The following N4BP2L2 variants were observed in gnomAD, a reference collection of about 807,000 sequenced individuals.
N4BP2L2 encodes NEDD4 binding protein 2 like 2, also known as NEDD4-binding protein 2-like 2.
Under a neutral mutation model 56.2 loss-of-function variants are expected in N4BP2L2, and 50 were observed. That is an observed-to-expected ratio of 0.89 (90% CI 0.71 to 1.13). The LOEUF (loss-of-function observed/expected upper bound fraction) is 1.13, where lower values mean the gene tolerates loss of function less well. Ranked by LOEUF, N4BP2L2 falls within the 50% of genes most tolerant of loss-of-function variation. The pLI, the probability that N4BP2L2 is intolerant of heterozygous loss-of-function variation, is 0.00. For synonymous variants in N4BP2L2, 203 were observed against 223.6 expected (o/e 0.91, Z 0.82); for missense variants, 689 against 693.8 (o/e 0.99, Z 0.08).
At chr13:32,512,836 C>T (rs1266764586) in exon 6 of N4BP2L2, 1 of 152,200 alleles carries the variant, frequency 6.6e-6, no homozygotes, top group Non-Finnish European at 1.5e-5. Flanking sequence ...TCAACACCAT[C>T]CTGGCTAACA....
chr13:32,535,670 T>C lies in N4BP2L2; in HGVS notation c.1259+99A>G, dbSNP rs182858920. 1.5e-3 allele frequency: 2,021 copies of C among 1,332,760 alleles called. 3 individuals are homozygous for C. Among genetic ancestry groups the C allele is most frequent in the Middle Eastern group, 4.9e-3 (18 of 3,652 alleles). The allele number at this position is 1,332,760 out of a possible 1,614,324, so 82.6% of individuals were successfully genotyped here. A position where few individuals can be genotyped will look rare whatever the true frequency, so the allele number is the denominator to read the frequency against. On this transcript the variant is annotated intron_variant, in intron 2 of 5. Transcript: ENST00000267068. ...TGGTCCACCCTGGCCTCCCAAAGTG[T>C]TGGGATTACATGCATGAGTCACTGC...
At chr13:32,436,613 A>G (rs1566006015) in intron 8 of N4BP2L2, among the ~76,000 whole-genome samples, 2 of 151,770 alleles carry the variant, frequency 1.3e-5, no homozygotes, top group Non-Finnish European at 2.9e-5. Flanking sequence ...AACATGGCAA[A>G]ACCCTGTCTC....
At chr13:32,438,627 C>T in intron 8 of N4BP2L2, 6 of 1,096,254 alleles carry the variant, frequency 5.5e-6, no homozygotes, top group South Asian at 1.7e-5. Flanking sequence ...AAAATACATA[C>T]ACACACACAC....
chr13:32,521,850 C>G (rs1427931933), intron 4 of N4BP2L2: 1 of 294,230 alleles, frequency 3.4e-6, no homozygotes, highest in East Asian at 1.1e-4. Context: ...GGGGCAGGCA[C>G]CTATAATCTC....
At chr13:32,515,419 CA>C (rs199818862) in exon 6 of N4BP2L2, 9,029 of 152,164 alleles carry the variant, frequency 0.059, 346 homozygotes, top group East Asian at 0.2. Flanking sequence ...CCATCCAGCC[CA>C]CGTAGCAGGA....
exon 6 of N4BP2L2, chr13:32,510,428 T>C (rs1436152512): frequency 6.6e-6 from 1 of 151,982 alleles, no homozygotes; most frequent in Non-Finnish European, 1.5e-5. Flanking sequence ...TCCTAAAATA[T>C]GATTATCAAG....
intron 6 of N4BP2L2, among the ~76,000 whole-genome samples, chr13:32,450,843 T>C (rs2077861150): frequency 2.2e-5 from 3 of 139,230 alleles, no homozygotes; most frequent in African/African-American, 2.8e-5. Flanking sequence ...TTCCCTTCCT[T>C]CCCTCCCTCC....
At chr13:32,441,321 T>C (rs2076292406) in intron 7 of N4BP2L2, among the ~76,000 whole-genome samples, 1 of 152,216 alleles carries the variant, frequency 6.6e-6, no homozygotes, top group African/African-American at 2.4e-5. Context: ...ACTAATGTTG[T>C]ATTTGGGAGC....
chr13:32,479,135 C>CA (rs560546697), intron 6 of N4BP2L2, among the ~76,000 whole-genome samples: 57 of 134,106 alleles, frequency 4.3e-4, no homozygotes, highest in South Asian at 1.2e-3. Flanking sequence ...AACTTTGTCT[C>CA]AAAAAAAAAA....
At chr13:32,454,418 G>T (rs537863860) in intron 6 of N4BP2L2, among the ~76,000 whole-genome samples, 2 of 152,132 alleles carry the variant, frequency 1.3e-5, no homozygotes, top group South Asian at 2.1e-4. Flanking sequence ...ACAAACCTTG[G>T]GGGGGAGGGG....
exon 6 of N4BP2L2, chr13:32,515,143 A>G (rs2048930963): frequency 6.6e-6 from 1 of 151,274 alleles, no homozygotes; most frequent in Non-Finnish European, 1.5e-5. Flanking sequence ...CTGTCTCAAA[A>G]AAAAAAAAAA....
intron 6 of N4BP2L2, among the ~76,000 whole-genome samples, chr13:32,492,826 A>G (rs566407974): frequency 6.6e-6 from 1 of 152,182 alleles, no homozygotes; most frequent in African/African-American, 2.4e-5. Flanking sequence ...AAAATTTTGT[A>G]TATTTAAAAT....
chr13:32,446,802 T>C (rs1290496484), intron 6 of N4BP2L2, among the ~76,000 whole-genome samples: 2 of 152,384 alleles, frequency 1.3e-5, no homozygotes, highest in South Asian at 2.1e-4. Flanking sequence ...ACACTTATTA[T>C]GTATTGGGAC....
At chr13:32,441,402 C>T (rs1298796818) in intron 7 of N4BP2L2, among the ~76,000 whole-genome samples, 2 of 152,068 alleles carry the variant, frequency 1.3e-5, no homozygotes, top group African/African-American at 4.8e-5. Flanking sequence ...AGTTTCTTTT[C>T]TGGTGGCCTG....
At chr13:32,452,044 T>A (rs1253012811) in intron 6 of N4BP2L2, among the ~76,000 whole-genome samples, 1 of 136,376 alleles carries the variant, frequency 7.3e-6, no homozygotes, top group African/African-American at 2.5e-5. Context: ...TACCTCCAGC[T>A]TTTTTTCTTT....
At chr13:32,453,242 G>A (rs2078402077) in intron 6 of N4BP2L2, among the ~76,000 whole-genome samples, 1 of 152,126 alleles carries the variant, frequency 6.6e-6, no homozygotes, top group Admixed American at 6.5e-5. Context: ...GGTGACAGAG[G>A]GAGACTTTGT....
At chr13:32,510,671 G>A (rs563450701) in exon 6 of N4BP2L2, 1 of 151,894 alleles carries the variant, frequency 6.6e-6, no homozygotes, top group African/African-American at 2.4e-5. Flanking sequence ...GCTAATTTTT[G>A]TATCTTTAGT....
intron 6 of N4BP2L2, among the ~76,000 whole-genome samples, chr13:32,492,940 A>G (rs1170685313): frequency 1.0e-5 from 1 of 97,142 alleles, no homozygotes; most frequent in Non-Finnish European, 1.8e-5. Flanking sequence ...TTTTTTTGAG[A>G]CAGAGTCTCA....
intron 6 of N4BP2L2, chr13:32,478,747 T>A (rs1213126231): frequency 6.6e-6 from 1 of 152,166 alleles, no homozygotes; most frequent in African/African-American, 2.4e-5. Flanking sequence ...TATAGAGATT[T>A]AACTGAGAAT....
Sources: gnomAD v4.1 joint callset for allele counts (sites outside exome capture counted in the v4.1 genomes callset) on GRCh38, gnomAD v4.1.1 for gene constraint, MANE v1.5 for transcripts, NCBI Gene and HGNC (gene_info 2026-07-23, HGNC 2026-07-21) for gene names.